Variants in TRAF3IP3 observed in about 807,000 individuals in gnomAD.
TRAF3IP3 encodes TRAF3 interacting protein 3.
In TRAF3IP3, 64 loss-of-function variants were observed where a neutral mutation model predicts 86.5. The ratio of observed to expected loss-of-function variants is 0.74; its 90% confidence interval spans 0.60 to 0.91. The LOEUF (loss-of-function observed/expected upper bound fraction) is 0.91, where lower values mean the gene tolerates loss of function less well. Among genes scored for constraint, TRAF3IP3 ranks in the 40% least tolerant of loss-of-function variants. TRAF3IP3 has a pLI of 0.00. For missense variants in TRAF3IP3, 579 were observed against 642.9 expected (o/e 0.90, Z 1.07); for synonymous variants, 220 against 243.9 (o/e 0.90, Z 0.91).
In TRAF3IP3 at chr1:209,782,045, T is replaced by C; in HGVS notation, c.1564-11T>C. Reference sequence around the variant, plus strand: ...ATGGCCACTTTCTTCTGTCTCCCTGTCCCCCTACAGAGGCAATGTGGGCGA... The same window carrying C: ...ATGGCCACTTTCTTCTGTCTCCCTGCCCCCCTACAGAGGCAATGTGGGCGA... On this transcript the variant is annotated splice_polypyrimidine_tract_variant and intron_variant, in intron 16 of 16. Transcript: ENST00000367025. 4 of 1,609,246 alleles carry C rather than the reference T, an allele frequency of 2.5e-6. No individual in the cohort carries two copies. Among genetic ancestry groups the C allele is most frequent in the Non-Finnish European group, 3.4e-6 (4 of 1,175,648 alleles).
At chr1:209,762,772 C>T (rs781212606) in intron 4 of TRAF3IP3, 41 bp from the exon 5 acceptor site, 1 of 1,390,214 alleles carries the variant, frequency 7.2e-7, no homozygotes, top group Non-Finnish European at 9.5e-7. Context: ...CCCTCACTTC[C>T]TCCCTGTAAG....
In TRAF3IP3 at chr1:209,778,173, G is replaced by T. The variant is rs1345486743; in HGVS notation, c.1252G>T (p.Gly418Cys). Residue 418 changes from glycine (G) to cysteine (C), a missense_variant and splice_region_variant, in exon 13 of 17, where the codon GGT becomes TGT. Coordinates refer to ENST00000367025, the MANE Select transcript of TRAF3IP3 (RefSeq NM_025228.4). ...TLVTRVQQLQ[G>C]LLQNQSLQLQ... is the part of the protein sequence containing the mutation. The stretch of plus-strand genomic sequence containing the variant: ...GGTGACCAGAGTACAGCAGTTGCAG[G>T]GTAAGTTCGCTTTCCAGATTCTGAA... The T allele has an allele frequency of 3.7e-6, 6 of 1,613,870 alleles. No homozygotes were observed. The East Asian group carries it at 1.3e-4, about 36-fold the overall frequency.
chr1:209,771,043 A>G (rs1391654162), intron 8 of TRAF3IP3, among the ~76,000 whole-genome samples: 25 of 35,580 alleles, frequency 7.0e-4, no homozygotes, highest in Admixed American at 1.8e-3. Context: ...CTCAGGTGGA[A>G]GTGTGCGTGT....
At chr1:209,769,313 C>T (rs2077418671) in intron 8 of TRAF3IP3, among the ~76,000 whole-genome samples, 1 of 152,190 alleles carries the variant, frequency 6.6e-6, no homozygotes, top group African/African-American at 2.4e-5. Flanking sequence ...TGACAATGAA[C>T]AGGCCACAGT....
chr1:209,775,540 GA>G, intron 10 of TRAF3IP3, 51 bp downstream of exon 10: 1 of 1,614,176 alleles, frequency 6.2e-7, no homozygotes, highest in Non-Finnish European at 8.5e-7. Flanking sequence ...GCAGCTTGGG[GA>G]ACAAGGGGAG....
intron 8 of TRAF3IP3, among the ~76,000 whole-genome samples, chr1:209,766,772 A>G (rs2077364853): frequency 6.6e-6 from 1 of 152,222 alleles, no homozygotes; most frequent in Non-Finnish European, 1.5e-5. Context: ...GCTGAGACAC[A>G]AGAATTGCTT....
intron 8 of TRAF3IP3, among the ~76,000 whole-genome samples, chr1:209,771,617 G>A (rs6699288): frequency 0.051 from 7,262 of 141,292 alleles, 248 homozygotes; most frequent in Non-Finnish European, 0.079. Context: ...TGTGGTGTGC[G>A]TGTGCATATG....
chr1:209,762,398 C>T, intron 3 of TRAF3IP3, 117 bp from the exon 4 acceptor site: 4 of 1,061,360 alleles, frequency 3.8e-6, no homozygotes, highest in African/African-American at 1.6e-5. Context: ...GGCGGGGGGA[C>T]AATAAACACT....
chr1:209,781,758 G>A (rs1243898119), intron 16 of TRAF3IP3: 1 of 490,022 alleles, frequency 2.0e-6, no homozygotes, highest in Non-Finnish European at 3.7e-6. Context: ...GGACACAAAA[G>A]TACTGGGGAA....
chr1:209,769,223 G>T (rs1272812741), intron 8 of TRAF3IP3, among the ~76,000 whole-genome samples: 2 of 127,712 alleles, frequency 1.6e-5, no homozygotes, highest in Admixed American at 1.5e-4. Context: ...AAAGAGTTTG[G>T]GCAAAGGCAA....
At chr1:209,768,131 CTG>C (rs2077392504) in intron 8 of TRAF3IP3, 2 of 985,204 alleles carry the variant, frequency 2.0e-6, no homozygotes, top group South Asian at 9.4e-5. Context: ...TAGCCCCAAA[CTG>C]TGGTATCTGG....
At chr1:209,761,715 A>C (rs1201694555) in intron 3 of TRAF3IP3, among the ~76,000 whole-genome samples, 1 of 152,286 alleles carries the variant, frequency 6.6e-6, no homozygotes, top group African/African-American at 2.4e-5. Flanking sequence ...AAGGAACCTT[A>C]TGGATTATCT....
chr1:209,770,700 GGTGT>G (rs529448372), intron 8 of TRAF3IP3, among the ~76,000 whole-genome samples: 11 of 140,740 alleles, frequency 7.8e-5, no homozygotes, highest in Non-Finnish European at 1.5e-4. Flanking sequence ...TGCATGTGGA[GGTGT>G]GTGTGTGCAG....
At chr1:209,766,301 T>G (rs2077355846) in intron 8 of TRAF3IP3, among the ~76,000 whole-genome samples, 1 of 152,224 alleles carries the variant, frequency 6.6e-6, no homozygotes. Flanking sequence ...TTTCTGGTCC[T>G]GAACTAAATT....
chr1:209,774,301 A>T (rs566657808), intron 9 of TRAF3IP3, among the ~76,000 whole-genome samples: 1 of 152,230 alleles, frequency 6.6e-6, no homozygotes, highest in Non-Finnish European at 1.5e-5. Flanking sequence ...AGAAGCTACA[A>T]TGATTTTTTT....
rs982654348 is a variant in TRAF3IP3 at position 209,768,200 on chromosome 1, T to C, written c.702+4613T>C. On this transcript the variant is annotated intron_variant, in intron 8 of 16. Transcript: ENST00000367025. ...GGTTCAGACCTTTATTTTTGCCATT[T>C]GACCTTCATAAATTTGAATTTCCAA... The C allele has an allele frequency of 1.4e-5, 14 of 985,466 alleles. No homozygotes were observed. In the African/African-American group the frequency reaches 2.4e-4, roughly 17 times the overall value. The allele number at this position is 985,466 out of a possible 1,614,324, so 61.0% of individuals were successfully genotyped here.
At position 209,762,628 on chromosome 1, in the gene TRAF3IP3, C is replaced by T. The variant is rs1167809067; in HGVS notation, c.459C>T (p.Asp153=). The T allele has an allele frequency of 7.2e-6, 11 of 1,532,464 alleles. No individual in the cohort carries two copies. The South Asian group carries it at 9.2e-5, about 13-fold the overall frequency. 94.9% of individuals were successfully genotyped at this position (1,532,464 alleles called of 1,614,324 possible). A position where few individuals can be genotyped will look rare whatever the true frequency, so the allele number is the denominator to read the frequency against. The part of the protein sequence containing the change: ...SSQAGGLPPQ[D]TPIKKPPKHH... ...AGGCTGGGGGCCTTCCTCCACAGGA[C>T]ACTCCCATCAAGAAGCCACCCAAAC... is the stretch of plus-strand genomic sequence containing the variant. Residue 153 remains aspartate (D), a synonymous_variant, in exon 4 of 17, where the codon GAC becomes GAT. Transcript: ENST00000367025.
At chr1:209,777,104 T>C (rs1390795131) in intron 11 of TRAF3IP3, 6 of 261,314 alleles carry the variant, frequency 2.3e-5, no homozygotes, top group Non-Finnish European at 7.2e-6. Flanking sequence ...AAAATAAAAA[T>C]AAATAAATAA....
chr1:209,757,146 A>G (rs1218540190), intron 1 of TRAF3IP3, among the ~76,000 whole-genome samples: 4 of 152,244 alleles, frequency 2.6e-5, no homozygotes, highest in Non-Finnish European at 5.9e-5. Context: ...GTGGTAGCCA[A>G]GGCATCTGGG....
Sources: gnomAD v4.1 joint callset for allele counts (sites outside exome capture counted in the v4.1 genomes callset) on GRCh38, gnomAD v4.1.1 for gene constraint, MANE v1.5 for transcripts, NCBI Gene and HGNC (gene_info 2026-07-23, HGNC 2026-07-21) for gene names.